ACTR3C: variants seen among roughly 807,000 people sequenced by gnomAD.
ACTR3C encodes actin related protein 3C.
In ACTR3C, 18 loss-of-function variants were observed where a neutral mutation model predicts 26.3. The observed-to-expected ratio is 0.68, with a 90% confidence interval of 0.47 to 1.01. The LOEUF (loss-of-function observed/expected upper bound fraction) is 1.01. Ranked by LOEUF, ACTR3C falls within the 50% of genes least tolerant of loss-of-function variation. The probability of loss-of-function intolerance (pLI) is 0.00; values close to 1 mark genes in which losing one functional copy is unlikely to be tolerated. For synonymous variants in ACTR3C, 55 were observed against 94.5 expected (o/e 0.58, Z 2.42); for missense variants, 184 against 250.7 (o/e 0.73, Z 1.80).
At chr7:150,144,006 A>G in the ACTR3C span, among the ~76,000 whole-genome samples, 1 of 152,142 alleles carries the variant, frequency 6.6e-6, no homozygotes, top group Admixed American at 6.5e-5. The surrounding 1 kb of genome is among the most constrained non-coding windows in gnomAD (Gnocchi z 4.6). Context: ...CAAAGCCAAG[A>G]CTGGAGAGCT....
chr7:149,910,205 T>C, the ACTR3C span, among the ~76,000 whole-genome samples: 1 of 130,842 alleles, frequency 7.6e-6, no homozygotes, highest in Admixed American at 8.0e-5. Context: ...ACAAACTTCC[T>C]GAACTTTGCG....
the ACTR3C span, among the ~76,000 whole-genome samples, chr7:150,037,350 G>C: frequency 3.4e-5 from 2 of 59,588 alleles, no homozygotes; most frequent in Non-Finnish European, 8.7e-5. Context: ...AAGAGGGTCT[G>C]GCTCTCAGTC....
chr7:150,311,710 G>A (rs1051672737), intron 1 of ACTR3C, among the ~76,000 whole-genome samples: 1 of 152,104 alleles, frequency 6.6e-6, no homozygotes, highest in Non-Finnish European at 1.5e-5. Flanking sequence ...TTTATTGATG[G>A]CAGTTCCTCT....
At chr7:150,041,752 G>T in the ACTR3C span, among the ~76,000 whole-genome samples, 48 of 56,018 alleles carry the variant, frequency 8.6e-4, no homozygotes, top group East Asian at 2.6e-3. Flanking sequence ...TAAGAGCCAG[G>T]GGGGGGAAGA....
chr7:150,165,690 A>C, the ACTR3C span, among the ~76,000 whole-genome samples: 22 of 151,124 alleles, frequency 1.5e-4, no homozygotes, highest in East Asian at 3.8e-3. Flanking sequence ...CATCATCCAC[A>C]CAATCTACTC....
chr7:150,026,315 A>G, the ACTR3C span, among the ~76,000 whole-genome samples: 194 of 152,178 alleles, frequency 1.3e-3, 2 homozygotes, highest in Non-Finnish European at 1.2e-4. Context: ...AATAGCATGC[A>G]TGCACATACA....
the ACTR3C span, among the ~76,000 whole-genome samples, chr7:150,227,688 G>GTGTTTTTTTTTTTTTTTTTTTTTTT: frequency 1.4e-4 from 16 of 111,378 alleles, 1 homozygote; most frequent in East Asian, 8.1e-4. Context: ...TTGTGTCTGG[G>GTGTTTTTTTTTTTTTTTTTTTTTTT]TTTTTTTTTT....
chr7:150,245,690 T>G (rs2129608743), downstream of ACTR3C: 1 of 152,286 alleles, frequency 6.6e-6, no homozygotes, highest in Admixed American at 6.5e-5. Context: ...TGGTCCGGGC[T>G]TTTTTCAGCT....
At chr7:150,251,418 G>C (rs977507005) in intron 6 of ACTR3C, among the ~76,000 whole-genome samples, 2 of 152,036 alleles carry the variant, frequency 1.3e-5, no homozygotes, top group Admixed American at 1.3e-4. Context: ...ATTTGAAAGA[G>C]AGTAAGATTT....
intron 3 of ACTR3C, 91 bp from the exon 4 acceptor site, chr7:150,289,684 T>A (rs2286443): frequency 0.13 from 202,966 of 1,561,962 alleles, 20,886 homozygotes; most frequent in African/African-American, 0.47. Context: ...TCAGCCTCCC[T>A]GTCTGCCCCT....
the ACTR3C span, among the ~76,000 whole-genome samples, chr7:150,190,507 A>C: frequency 1.2e-4 from 18 of 152,178 alleles, no homozygotes; most frequent in Non-Finnish European, 1.9e-4. Flanking sequence ...TTAAATTTAC[A>C]CGTGAGTCTA....
chr7:150,322,103 T>C lies in ACTR3C; in HGVS notation c.-52+1366A>G, dbSNP rs191032133. Among the ~76,000 whole-genome samples, 1,060 of 152,234 alleles carry C rather than the reference T, an allele frequency of 7.0e-3. 4 individuals are homozygous for C. Among genetic ancestry groups the C allele is most frequent in the Non-Finnish European group, 0.012 (787 of 68,008 alleles). ...ATGACTTCTTCGGCTCCCACACAAT[T>C]TGTAGCTGCAGGAGTGGCAGAGCAC... On this transcript the variant is annotated intron_variant, in intron 1 of 7. Coordinates refer to ENST00000683684, the MANE Select transcript of ACTR3C (RefSeq NM_001164458.2).
chr7:149,887,786 CA>C, the ACTR3C span, among the ~76,000 whole-genome samples: 39,300 of 152,086 alleles, frequency 0.26, 5,155 homozygotes, highest in Non-Finnish European at 0.28. Context: ...TGGGAGGGAC[CA>C]GGGGAGGTAA....
the ACTR3C span, among the ~76,000 whole-genome samples, chr7:150,162,482 C>T: frequency 2.6e-5 from 4 of 152,194 alleles, no homozygotes; most frequent in African/African-American, 4.8e-5. Context: ...CCCACCACTA[C>T]GCCCAGCTAA....
the ACTR3C span, among the ~76,000 whole-genome samples, chr7:150,039,372 G>C: frequency 1.0e-5 from 1 of 97,834 alleles, no homozygotes; most frequent in African/African-American, 3.0e-5. Context: ...CCCCTCCTGC[G>C]ATGGGGGTCC....
chr7:150,211,139 G>A, the ACTR3C span, among the ~76,000 whole-genome samples: 2 of 148,652 alleles, frequency 1.3e-5, no homozygotes, highest in Non-Finnish European at 2.9e-5. Context: ...GGACTTGCTG[G>A]AGGTCATAAT....
At chr7:150,013,930 C>G in the ACTR3C span, among the ~76,000 whole-genome samples, 4 of 152,136 alleles carry the variant, frequency 2.6e-5, no homozygotes, top group South Asian at 6.2e-4. Flanking sequence ...TTTCCTGGTA[C>G]CTGAAGAGAG....
the ACTR3C span, among the ~76,000 whole-genome samples, chr7:150,201,184 G>A: frequency 1.3e-5 from 2 of 152,126 alleles, no homozygotes; most frequent in Admixed American, 1.3e-4. Flanking sequence ...GTTCTTAAAA[G>A]ACCTCATGCT....
chr7:149,969,989 G>A, the ACTR3C span, among the ~76,000 whole-genome samples: 1 of 152,110 alleles, frequency 6.6e-6, no homozygotes, highest in East Asian at 1.9e-4. Flanking sequence ...AAGTGTTATG[G>A]TGGCTTGGGG....
Sources: allele counts gnomAD v4.1 joint callset (sites outside exome capture counted in the v4.1 genomes callset), GRCh38; gene constraint gnomAD v4.1.1; non-coding constraint Gnocchi (gnomAD v3.1); transcripts MANE v1.5; gene names NCBI Gene and HGNC (gene_info 2026-07-23, HGNC 2026-07-21).